MAGI2: variants seen among roughly 807,000 people sequenced by gnomAD.
The protein encoded by MAGI2 is membrane-associated guanylate kinase, WW and PDZ domain-containing protein 2.
A neutral mutation model predicts 133.3 loss-of-function variants in MAGI2; 35 were observed. The ratio of observed to expected loss-of-function variants is 0.26; its 90% CI spans 0.20 to 0.35. The LOEUF (loss-of-function observed/expected upper bound fraction) is 0.35, where lower values mean the gene tolerates loss of function less well. Ranked by LOEUF, MAGI2 falls within the 10% of genes least tolerant of loss-of-function variation. MAGI2 has a pLI of 1.00. For missense variants in MAGI2, 1,636 were observed against 1,863.4 expected (o/e 0.88, Z 2.25); for synonymous variants, 729 against 710.6 (o/e 1.03, Z -0.41).
intron 13 of MAGI2, among the ~76,000 whole-genome samples, chr7:78,178,582 G>C (rs530032086): frequency 4.2e-5 from 1 of 23,708 alleles, no homozygotes; most frequent in South Asian, 1.3e-3. Context: ...CAGTTTAGGA[G>C]TGTGTGTGTG....
intron 1 of MAGI2, among the ~76,000 whole-genome samples, chr7:79,241,868 C>A (rs116318847): frequency 2.0e-3 from 311 of 152,246 alleles, no homozygotes; most frequent in African/African-American, 7.1e-3. Context: ...TGATTCAGCC[C>A]ATCCTGTGGT....
chr7:78,297,992 A>G (rs1484962722), intron 9 of MAGI2, among the ~76,000 whole-genome samples: 1 of 151,710 alleles, frequency 6.6e-6, no homozygotes, highest in Non-Finnish European at 1.5e-5. Context: ...TAATTAAAAA[A>G]AAAGAATTGT....
intron 6 of MAGI2, among the ~76,000 whole-genome samples, chr7:78,483,320 A>G (rs185860806): frequency 6.6e-6 from 1 of 152,106 alleles, no homozygotes; most frequent in African/African-American, 2.4e-5. Context: ...ATGATAATAT[A>G]CAATTCATTG....
chr7:78,251,720 A>G (rs572197087), intron 10 of MAGI2: 2 of 152,336 alleles, frequency 1.3e-5, no homozygotes, highest in Admixed American at 1.3e-4. Context: ...TAAAGATCCA[A>G]ATAAGTGAAG....
At chr7:78,531,086 A>G (rs150226879) in intron 3 of MAGI2, among the ~76,000 whole-genome samples, 30 of 152,326 alleles carry the variant, frequency 2.0e-4, no homozygotes, top group African/African-American at 6.5e-4. Context: ...TGCAGATGCA[A>G]AGATATTTGG....
chr7:78,412,660 G>T (rs144486689), intron 6 of MAGI2, among the ~76,000 whole-genome samples: 14 of 152,028 alleles, frequency 9.2e-5, no homozygotes, highest in African/African-American at 2.9e-4. Flanking sequence ...AGAGAAAAGG[G>T]CAGTAACAGA....
rs556245484 is a variant in MAGI2 at position 78,839,093 on chromosome 7, T to C, written c.418+167997A>G. Reference sequence around the variant, plus strand: ...AGAAAGGGATTTAGTGAGGGTGGAATGGGAGGAAAGAATGGGAAGGAGTGA... The same window carrying C: ...AGAAAGGGATTTAGTGAGGGTGGAACGGGAGGAAAGAATGGGAAGGAGTGA... On this transcript the variant is annotated intron_variant, in intron 2 of 21. Coordinates refer to ENST00000354212, the MANE Select transcript of MAGI2 (RefSeq NM_012301.4). Among the ~76,000 whole-genome samples, 31 of 151,902 alleles carry C rather than the reference T, an allele frequency of 2.0e-4. No individual in the cohort carries two copies. In the Middle Eastern group the frequency reaches 0.01, roughly 50 times the overall value.
chr7:78,726,594 G>C (rs1207850420), intron 2 of MAGI2, among the ~76,000 whole-genome samples: 1 of 152,078 alleles, frequency 6.6e-6, no homozygotes, highest in Non-Finnish European at 1.5e-5. Flanking sequence ...ATTACTGTTG[G>C]CATTATCATC....
intron 1 of MAGI2, among the ~76,000 whole-genome samples, chr7:79,373,550 A>G (rs1843188759): frequency 1.3e-5 from 2 of 152,172 alleles, no homozygotes; most frequent in African/African-American, 2.4e-5. Flanking sequence ...AACACTCAAT[A>G]TATATTAGCC....
chr7:79,381,961 T>C (rs1367070890), intron 1 of MAGI2, among the ~76,000 whole-genome samples: 1 of 151,732 alleles, frequency 6.6e-6, no homozygotes, highest in Non-Finnish European at 1.5e-5. Context: ...TTATTAGTTA[T>C]TTTCTAAAAG....
chr7:79,056,131 G>A (rs1359614800), intron 1 of MAGI2, among the ~76,000 whole-genome samples: 1 of 152,136 alleles, frequency 6.6e-6, no homozygotes, highest in Non-Finnish European at 1.5e-5. Flanking sequence ...AAATTTTATG[G>A]CCTGTAAACT....
chr7:78,239,291 T>C (rs1452680708), intron 10 of MAGI2, among the ~76,000 whole-genome samples: 3 of 152,244 alleles, frequency 2.0e-5, no homozygotes, highest in East Asian at 3.9e-4. Context: ...ATGTAAAACC[T>C]GAAACTATAA....
chr7:78,786,139 G>GA lies in MAGI2; in HGVS notation c.419-158901dup, dbSNP rs111883361. ...AGGAGCTCCATGTTTCTAGTGCTCA[G>GA]AAAAAAAAAACAAAAAAACCTTAGT... is the stretch of plus-strand genomic sequence containing the variant. On this transcript the variant is annotated intron_variant, in intron 2 of 21. Transcript: ENST00000354212. Among the ~76,000 whole-genome samples the GA allele has an allele frequency of 8.4e-3, 1,225 of 145,220 alleles. 17 individuals are homozygous for GA. Among genetic ancestry groups the GA allele is most frequent in the African/African-American group, 0.028 (1,104 of 39,648 alleles).
At chr7:78,138,072 C>T (rs1263981040) in intron 16 of MAGI2, among the ~76,000 whole-genome samples, 1 of 152,190 alleles carries the variant, frequency 6.6e-6, no homozygotes, top group Admixed American at 6.5e-5. Context: ...TCACATATGC[C>T]AAACAGGGCT....
intron 1 of MAGI2, among the ~76,000 whole-genome samples, chr7:79,370,656 T>A (rs929161218): frequency 6.6e-6 from 1 of 151,870 alleles, no homozygotes; most frequent in Non-Finnish European, 1.5e-5. Flanking sequence ...CTTTTTTTTT[T>A]ATGAACTAAT....
intron 21 of MAGI2, among the ~76,000 whole-genome samples, chr7:78,034,197 A>G (rs190897889): frequency 1.3e-5 from 2 of 152,298 alleles, no homozygotes; most frequent in African/African-American, 2.4e-5. Context: ...ACAAAGTGAC[A>G]TGCCCTTAAG....
intron 1 of MAGI2, among the ~76,000 whole-genome samples, chr7:79,365,114 T>C (rs1260314877): frequency 1.3e-5 from 2 of 152,066 alleles, no homozygotes; most frequent in Non-Finnish European, 2.9e-5. Context: ...GAAATACAGA[T>C]GGCAAATAAG....
intron 1 of MAGI2, among the ~76,000 whole-genome samples, chr7:79,095,668 CACA>C (rs1184999793): frequency 9.2e-5 from 14 of 152,232 alleles, no homozygotes; most frequent in African/African-American, 3.1e-4. Context: ...AGTCAGAACA[CACA>C]ACATTTATTG....
intron 1 of MAGI2, chr7:79,411,223 C>T (rs1563198979): frequency 6.7e-6 from 1 of 149,214 alleles, no homozygotes; most frequent in Non-Finnish European, 1.5e-5. Flanking sequence ...ATAATGGCTC[C>T]CAAAGACGTC....
Sources: gnomAD v4.1 joint callset for allele counts (sites outside exome capture counted in the v4.1 genomes callset) on GRCh38, gnomAD v4.1.1 for gene constraint, MANE v1.5 for transcripts, NCBI Gene and HGNC (gene_info 2026-07-23, HGNC 2026-07-21) for gene names.